PABPC1: variants seen among roughly 807,000 people sequenced by gnomAD.
PABPC1 encodes the protein poly(A) binding protein cytoplasmic 1.
Under a neutral mutation model 74.0 loss-of-function variants are expected in PABPC1, and 4 were observed. The observed-to-expected ratio is 0.05, with a 90% confidence interval of 0.03 to 0.12. The LOEUF (loss-of-function observed/expected upper bound fraction) is 0.12, where lower values mean the gene tolerates loss of function less well. PABPC1 is among the 10% of genes least tolerant of loss of function. The pLI, the probability that PABPC1 is intolerant of heterozygous loss-of-function variation, is 1.00. For missense variants in PABPC1, 271 were observed against 821.1 expected (o/e 0.33, Z 8.19); for synonymous variants, 227 against 264.1 (o/e 0.86, Z 1.36).
intron 3 of PABPC1, 108 bp downstream of exon 3, chr8:100,717,665 C>A (rs112096984): frequency 1.5e-6 from 1 of 664,930 alleles, no homozygotes; most frequent in East Asian, 2.8e-5. Context: ...ATTCTTTTAT[C>A]TTATGTGCAT....
intron 3 of PABPC1, among the ~76,000 whole-genome samples, chr8:100,717,570 C>T (rs535301497): frequency 6.6e-6 from 1 of 152,254 alleles, no homozygotes; most frequent in East Asian, 1.9e-4. Context: ...GTAGAAAATT[C>T]AATTGTAAAA....
chr8:100,709,166 G>A lies in PABPC1; in HGVS notation c.1303C>T (p.Pro435Ser). 1 of 1,613,986 alleles carries A rather than the reference G, an allele frequency of 6.2e-7. No homozygotes were observed. Among genetic ancestry groups the A allele is most frequent in the Non-Finnish European group, 8.5e-7 (1 of 1,179,998 alleles). The change falls in exon 9 of 15, where the codon CCT becomes TCT. Residue 435 changes from proline (P) to serine (S), a missense_variant. Around this residue, in one of 7 missense-constraint regions of PABPC1, gnomAD observed 103 missense variants for 245.3 expected, o/e 0.42. Transcript: ENST00000318607. Reference sequence around the variant, plus strand: ...CTGGCACCCTGAGCAGTCCAGCGAGGACTTGGTCTTAGTTGAGCAATTTGG... The same window carrying A: ...CTGGCACCCTGAGCAGTCCAGCGAGAACTTGGTCTTAGTTGAGCAATTTGG... ...PSQIAQLRPS[P>S]RWTAQGARPH...
At position 100,704,379 on chromosome 8, in the gene PABPC1, A is replaced by G; in HGVS notation, c.1830T>C (p.Ala610=). 1 of 1,613,876 alleles carries G rather than the reference A, an allele frequency of 6.2e-7. No homozygotes were observed. Among genetic ancestry groups the G allele is most frequent in the African/African-American group, 1.3e-5 (1 of 75,048 alleles). The change falls in exon 14 of 15, where the codon GCT becomes GCC. Residue 610 remains alanine (A), a synonymous_variant. Coordinates refer to ENST00000318607, the MANE Select transcript of PABPC1 (RefSeq NM_002568.4). ...CTTGGTGGGCTTGTAGTACAGCTAC[A>G]GCTTCATCAACCTAAAAAAGGGGAA... ...PESLRSKVDE[A]VAVLQAHQAK...
intron 13 of PABPC1, among the ~76,000 whole-genome samples, 189 bp from the exon 14 acceptor site, chr8:100,704,579 C>A (rs1267619695): frequency 6.6e-6 from 1 of 152,158 alleles, no homozygotes; most frequent in Non-Finnish European, 1.5e-5. Context: ...AATTATGAAT[C>A]GCTCCCCTGC....
At chr8:100,708,933 A>G (rs879281561) in intron 9 of PABPC1, among the ~76,000 whole-genome samples, 200 bp downstream of exon 9, 1 of 151,296 alleles carries the variant, frequency 6.6e-6, no homozygotes, top group Non-Finnish European at 1.5e-5. Flanking sequence ...CCTATTCCCA[A>G]AACTTTTATA....
rs978322977 is a variant in PABPC1, at chr8:100,715,988, G to C, written c.504-387C>G. On this transcript the variant is annotated intron_variant, in intron 3 of 14. Coordinates refer to ENST00000318607, the MANE Select transcript of PABPC1 (RefSeq NM_002568.4). Reference sequence around the variant, plus strand: ...CTTGCGCTTTCTTTGCCATCTCCTAGAATAAAAATTTAAACTTCCCAATCG... The same window carrying C: ...CTTGCGCTTTCTTTGCCATCTCCTACAATAAAAATTTAAACTTCCCAATCG... Among the ~76,000 whole-genome samples, 3 of 152,276 alleles carry C rather than the reference G, an allele frequency of 2.0e-5. 1 individual carries two copies.
chr8:100,714,742 T>A (rs1448164579), intron 4 of PABPC1, among the ~76,000 whole-genome samples: 1 of 152,004 alleles, frequency 6.6e-6, no homozygotes, highest in Non-Finnish European at 1.5e-5. Context: ...AGTATTAGAT[T>A]TCCTAATTCT....
intron 14 of PABPC1, among the ~76,000 whole-genome samples, chr8:100,703,789 C>T (rs1331789144): frequency 6.6e-6 from 1 of 152,100 alleles, no homozygotes; most frequent in Non-Finnish European, 1.5e-5. Context: ...GTGGCTCACG[C>T]CTGTAATTTC....
At chr8:100,714,805 T>C (rs1366403487) in intron 4 of PABPC1, among the ~76,000 whole-genome samples, 7 of 152,090 alleles carry the variant, frequency 4.6e-5, no homozygotes, top group South Asian at 2.1e-4. Flanking sequence ...CAACACAAAA[T>C]GCAAAGGGTG....
chr8:100,716,650 T>C (rs951236524), intron 3 of PABPC1, among the ~76,000 whole-genome samples: 1 of 152,250 alleles, frequency 6.6e-6, no homozygotes, highest in African/African-American at 2.4e-5. Flanking sequence ...GGAGCGTATT[T>C]CATTGTGACC....
chr8:100,705,578 G>C lies in PABPC1; in HGVS notation c.1687+11C>G, dbSNP rs527444192. On this transcript the variant is annotated intron_variant, in intron 12 of 14. Coordinates refer to ENST00000318607, the MANE Select transcript of PABPC1 (RefSeq NM_002568.4). ...CTTTCTGAACTGACAAGGTGGGACA[G>C]AAGTACTCACCCAACATTTGCTTTT... The C allele has an allele frequency of 2.4e-5, 32 of 1,326,154 alleles. No individual in the cohort carries two copies. The Middle Eastern group carries it at 5.5e-4, about 23-fold the overall frequency. 82.1% of individuals were successfully genotyped at this position (1,326,154 alleles called of 1,614,324 possible). A position where few individuals can be genotyped will look rare whatever the true frequency, so the allele number is the denominator to read the frequency against.
chr8:100,711,070 G>A (rs1810516143), intron 7 of PABPC1, among the ~76,000 whole-genome samples: 1 of 152,150 alleles, frequency 6.6e-6, no homozygotes, highest in Admixed American at 6.5e-5. Flanking sequence ...CTGAGGTCAG[G>A]AGTTGGAAGA....
chr8:100,710,761 T>A (rs1191697026), intron 7 of PABPC1, among the ~76,000 whole-genome samples: 1 of 151,486 alleles, frequency 6.6e-6, no homozygotes, highest in Non-Finnish European at 1.5e-5. Flanking sequence ...CCAAGGCGGG[T>A]GGATCACCTG....
At chr8:100,708,097 T>A (rs1587148922) in intron 9 of PABPC1, among the ~76,000 whole-genome samples, 1 of 152,386 alleles carries the variant, frequency 6.6e-6, no homozygotes, top group East Asian at 1.9e-4. Context: ...TCATATATAA[T>A]CATATCTAAG....
chr8:100,713,288 C>A (rs1004793582), intron 4 of PABPC1, 107 bp from the exon 5 acceptor site: 5 of 576,784 alleles, frequency 8.7e-6, no homozygotes, highest in Non-Finnish European at 1.5e-5. Flanking sequence ...AGCTCCGTAA[C>A]TTGACTCCTC....
intron 9 of PABPC1, among the ~76,000 whole-genome samples, chr8:100,707,379 A>T (rs1420356093): frequency 3.9e-5 from 6 of 151,950 alleles, no homozygotes; most frequent in African/African-American, 1.5e-4. Flanking sequence ...CTGCACTGTT[A>T]TTTATTGGAA....
rs148621142 is a variant in PABPC1 at position 100,707,253 on chromosome 8, CGA to C, written c.1337-258_1337-257del. On this transcript the variant is annotated intron_variant, in intron 9 of 14. Transcript: ENST00000318607. ...GTGGGCTTCTCCCTGTATGCAGCGA[CGA>C]GAGAGTGCAGAAATAAAGACACGAG... The C allele has an allele frequency of 2.5e-4, 78 of 309,714 alleles. No homozygotes were observed. The East Asian group carries it at 6.1e-3, about 24-fold the overall frequency. 19.2% of individuals were successfully genotyped at this position (309,714 alleles called of 1,614,324 possible). A position where few individuals can be genotyped will look rare whatever the true frequency, so the allele number is the denominator to read the frequency against.
chr8:100,711,571 A>C (rs1810528376), intron 7 of PABPC1, among the ~76,000 whole-genome samples: 1 of 152,252 alleles, frequency 6.6e-6, no homozygotes, highest in African/African-American at 2.4e-5. Flanking sequence ...CACTGAAGAC[A>C]AAAACATTCA....
At position 100,717,155 on chromosome 8, in the gene PABPC1, C is replaced by T. The variant is rs543593742; in HGVS notation, c.503+618G>A. Among the ~76,000 whole-genome samples, 17 of 152,286 alleles carry T rather than the reference C, an allele frequency of 1.1e-4. No individual in the cohort carries two copies. In the East Asian group the frequency reaches 2.9e-3, roughly 26 times the overall value. Reference sequence around the variant, plus strand: ...CCTCCCGAGTAGCTAGGATTACAGGCATGCGCCACCATGCCCAGCTAATTT... The same window carrying T: ...CCTCCCGAGTAGCTAGGATTACAGGTATGCGCCACCATGCCCAGCTAATTT... On this transcript the variant is annotated intron_variant, in intron 3 of 14. Coordinates refer to ENST00000318607, the MANE Select transcript of PABPC1 (RefSeq NM_002568.4).
Sources: gnomAD v4.1 joint callset for allele counts (sites outside exome capture counted in the v4.1 genomes callset) on GRCh38, gnomAD v4.1.1 for gene constraint, gnomAD v4.1.1 regional missense constraint, MANE v1.5 for transcripts, NCBI Gene and HGNC (gene_info 2026-07-23, HGNC 2026-07-21) for gene names.